Variants in CDH4 observed in about 807,000 individuals in gnomAD.
CDH4 encodes the protein cadherin 4.
In CDH4, 33 loss-of-function variants were observed where a neutral mutation model predicts 86.0. That is an observed-to-expected ratio of 0.38 (90% CI 0.29 to 0.51). CDH4 has a LOEUF of 0.51. Ranked by LOEUF, CDH4 falls within the 20% of genes least tolerant of loss-of-function variation. The pLI is 0.86. For missense variants in CDH4, 1,114 were observed against 1,307.4 expected (o/e 0.85, Z 2.28); for synonymous variants, 555 against 549.4 (o/e 1.01, Z -0.14).
chr20:61,607,305 C>G (rs2145754431), intron 2 of CDH4, among the ~76,000 whole-genome samples: 1 of 152,320 alleles, frequency 6.6e-6, no homozygotes, highest in South Asian at 2.1e-4. Context: ...CATAAAAGCA[C>G]TAGGTAATAC....
rs778071640 is a variant in CDH4, at chr20:61,894,941, C to T, written c.1082C>T (p.Ala361Val). ...CAGCAGTACACAGTCATCGTTCAGG[C>T]CACAGATATGGAAGGAAATCTCAAC... ...KVQQYTVIVQ[A>V]TDMEGNLNYG... The change falls in exon 8 of 16, where the codon GCC becomes GTC. Residue 361 changes from alanine to valine, a missense_variant. Ala to Val is a moderately conservative substitution (Grantham distance 64). Coordinates refer to ENST00000614565, the MANE Select transcript of CDH4 (RefSeq NM_001794.5). The T allele has an allele frequency of 5.0e-6, 8 of 1,613,908 alleles. No individual in the cohort carries two copies. Among genetic ancestry groups the T allele is most frequent in the Admixed American group, 1.7e-5 (1 of 60,032 alleles).
At chr20:61,910,114 G>A (rs1239034448) in intron 8 of CDH4, among the ~76,000 whole-genome samples, 1 of 152,226 alleles carries the variant, frequency 6.6e-6, no homozygotes, top group African/African-American at 2.4e-5. Context: ...GGTGTGTTCT[G>A]TTTGTGAACA....
chr20:61,260,735 C>G (rs756627538), intron 2 of CDH4, among the ~76,000 whole-genome samples: 39 of 152,340 alleles, frequency 2.6e-4, no homozygotes, highest in Non-Finnish European at 4.7e-4. Flanking sequence ...CGTGGGATCT[C>G]TTTGGCCATC....
At chr20:61,866,972 C>T (rs1398393689) in intron 6 of CDH4, among the ~76,000 whole-genome samples, 2 of 152,230 alleles carry the variant, frequency 1.3e-5, no homozygotes, top group East Asian at 3.9e-4. Context: ...CCTGCCGTCG[C>T]CCTTTCCCGG....
At chr20:61,399,525 C>T (rs1224952532) in intron 2 of CDH4, among the ~76,000 whole-genome samples, 2 of 152,184 alleles carry the variant, frequency 1.3e-5, no homozygotes, top group East Asian at 3.9e-4. Flanking sequence ...GCTCATCTCC[C>T]AGCTCCCTCT....
At chr20:61,914,103 C>A (rs191162200) in intron 9 of CDH4, among the ~76,000 whole-genome samples, 14 of 152,230 alleles carry the variant, frequency 9.2e-5, no homozygotes, top group African/African-American at 3.1e-4. Flanking sequence ...CCTGCCCCCC[C>A]ACAGCCAGTC....
At chr20:61,482,123 A>G (rs1384360533) in intron 2 of CDH4, among the ~76,000 whole-genome samples, 1 of 152,144 alleles carries the variant, frequency 6.6e-6, no homozygotes, top group Non-Finnish European at 1.5e-5. Flanking sequence ...CTCACGTATT[A>G]TTCAAGTTGC....
chr20:61,913,666 G>A (rs1345003763), intron 9 of CDH4, among the ~76,000 whole-genome samples: 1 of 152,212 alleles, frequency 6.6e-6, no homozygotes, highest in African/African-American at 2.4e-5. Context: ...ATCCCCTTCC[G>A]GTTCTTCCTC....
intron 2 of CDH4, among the ~76,000 whole-genome samples, chr20:61,338,804 T>G (rs1232575733): frequency 6.6e-6 from 1 of 152,228 alleles, no homozygotes; most frequent in African/African-American, 2.4e-5. Flanking sequence ...GATAATATTG[T>G]AAGGCTGAGA....
At chr20:61,831,529 T>A (rs1473782722) in intron 4 of CDH4, among the ~76,000 whole-genome samples, 3 of 152,238 alleles carry the variant, frequency 2.0e-5, no homozygotes, top group African/African-American at 7.2e-5. Context: ...CTCCCTGACC[T>A]TCCATTAATA....
chr20:61,864,107 A>G (rs1983443005), intron 6 of CDH4, among the ~76,000 whole-genome samples: 2 of 152,278 alleles, frequency 1.3e-5, no homozygotes, highest in African/African-American at 4.8e-5. Context: ...AGGACAAGAC[A>G]CAGGGCAGGG....
At chr20:61,473,312 T>C (rs1264441982) in intron 2 of CDH4, among the ~76,000 whole-genome samples, 2 of 152,212 alleles carry the variant, frequency 1.3e-5, no homozygotes, top group African/African-American at 4.8e-5. Context: ...TTTTTCTCTG[T>C]GGCTATGTTT....
intron 2 of CDH4, among the ~76,000 whole-genome samples, chr20:61,673,991 C>T (rs2145848986): frequency 6.6e-6 from 1 of 152,258 alleles, no homozygotes; most frequent in East Asian, 1.9e-4. Flanking sequence ...TTAAGAGAAA[C>T]AAATGGAAGT....
At chr20:61,633,998 C>T (rs928175014) in intron 2 of CDH4, among the ~76,000 whole-genome samples, 9 of 152,294 alleles carry the variant, frequency 5.9e-5, no homozygotes, top group Admixed American at 3.9e-4. Flanking sequence ...GTTTTCAAGG[C>T]GGGTTCTGCT....
At chr20:61,793,727 CT>C in intron 4 of CDH4, among the ~76,000 whole-genome samples, 1 of 151,692 alleles carries the variant, frequency 6.6e-6, no homozygotes, top group Non-Finnish European at 1.5e-5. Context: ...GTAATCCCAG[CT>C]ACTTGGGAGG....
chr20:61,559,778 C>T (rs1434216521), intron 2 of CDH4, among the ~76,000 whole-genome samples: 1 of 152,076 alleles, frequency 6.6e-6, no homozygotes, highest in Non-Finnish European at 1.5e-5. Context: ...CTCCGCCTCC[C>T]AAAGTGCTGG....
At chr20:61,414,058 CCTT>C (rs752745437) in intron 2 of CDH4, among the ~76,000 whole-genome samples, 45 of 152,230 alleles carry the variant, frequency 3.0e-4, no homozygotes, top group Non-Finnish European at 5.0e-4. Context: ...AATTTCCTCT[CCTT>C]AAGAGGACAT....
chr20:61,324,423 C>G (rs916991283), intron 2 of CDH4, among the ~76,000 whole-genome samples: 1 of 152,202 alleles, frequency 6.6e-6, no homozygotes, highest in Non-Finnish European at 1.5e-5. Flanking sequence ...CATGCTCCCT[C>G]CGGTAGTTCT....
chr20:61,517,675 A>G lies in CDH4; in HGVS notation c.170-225888A>G, dbSNP rs1187446896. On this transcript the variant is annotated intron_variant, in intron 2 of 15. Transcript: ENST00000614565. This position sits in a 1 kb window ranked among gnomAD's most constrained non-coding sequence, Gnocchi z 6.6. Reference sequence around the variant, plus strand: ...CGGCAGCGCCGCTGTAGGACCATGGAGGGAATGAACAAGGAGGGGTTGTCG... The same window carrying G: ...CGGCAGCGCCGCTGTAGGACCATGGGGGGAATGAACAAGGAGGGGTTGTCG... 6.8e-6 allele frequency among the ~76,000 whole-genome samples: 1 copy of G among 147,960 alleles called. No individual in the cohort carries two copies. Among genetic ancestry groups the G allele is most frequent in the Non-Finnish European group, 1.5e-5 (1 of 66,900 alleles).
Sources: allele counts gnomAD v4.1 joint callset (sites outside exome capture counted in the v4.1 genomes callset), GRCh38; gene constraint gnomAD v4.1.1; non-coding constraint Gnocchi (gnomAD v3.1); transcripts MANE v1.5; gene names NCBI Gene and HGNC (gene_info 2026-07-23, HGNC 2026-07-21).